Variants in ST7 observed in about 807,000 individuals in gnomAD.
ST7 encodes suppressor of tumorigenicity 7 protein.
Under a neutral mutation model 78.7 loss-of-function variants are expected in ST7, and 28 were observed. That is an observed-to-expected ratio of 0.36 (90% CI 0.26 to 0.49). The LOEUF (loss-of-function observed/expected upper bound fraction) is 0.49, where lower values mean the gene tolerates loss of function less well. Ranked by LOEUF, ST7 falls within the 20% of genes least tolerant of loss-of-function variation. The pLI is 0.99. For missense variants in ST7, 418 were observed against 696.0 expected (o/e 0.60, Z 4.49); for synonymous variants, 247 against 249.6 (o/e 0.99, Z 0.10).
At chr7:117,114,507 G>A (rs1015940994) in intron 2 of ST7, among the ~76,000 whole-genome samples, 10 of 151,882 alleles carry the variant, frequency 6.6e-5, no homozygotes, top group Non-Finnish European at 1.3e-4. Context: ...ATAAAGTTTC[G>A]TATTCCTTCT....
intron 1 of ST7, among the ~76,000 whole-genome samples, chr7:116,975,116 A>G (rs1793632378): frequency 6.6e-6 from 1 of 152,230 alleles, no homozygotes; most frequent in African/African-American, 2.4e-5. Flanking sequence ...TCACAGTTCC[A>G]CATGGCTGAG....
intron 10 of ST7, among the ~76,000 whole-genome samples, chr7:117,171,338 C>T (rs1195113226): frequency 1.3e-5 from 2 of 152,124 alleles, no homozygotes; most frequent in Non-Finnish European, 2.9e-5. Context: ...AGAGCTCTTG[C>T]TATAAATCCA....
chr7:117,171,307 G>A (rs1281134079), intron 10 of ST7, among the ~76,000 whole-genome samples: 1 of 152,136 alleles, frequency 6.6e-6, no homozygotes, highest in Non-Finnish European at 1.5e-5. Flanking sequence ...TACCTATCCT[G>A]TAGGGGCAGC....
chr7:117,179,600 T>C (rs1808593072), intron 10 of ST7, among the ~76,000 whole-genome samples: 1 of 151,808 alleles, frequency 6.6e-6, no homozygotes, highest in African/African-American at 2.4e-5. Context: ...GAGGCACAAT[T>C]GGCATGGCTT....
intron 1 of ST7, chr7:116,972,161 C>T (rs1793459554): frequency 5.4e-6 from 3 of 555,818 alleles, no homozygotes; most frequent in South Asian, 4.2e-5. Context: ...TGGGACTGGG[C>T]TTTCTACATC....
chr7:117,157,798 C>T (rs751462230), intron 9 of ST7, among the ~76,000 whole-genome samples: 1 of 152,168 alleles, frequency 6.6e-6, no homozygotes, highest in African/African-American at 2.4e-5. Flanking sequence ...GAATGCTTAT[C>T]GCCCTCTGTC....
chr7:117,224,410 A>T (rs758892650), intron 15 of ST7, among the ~76,000 whole-genome samples: 6 of 152,154 alleles, frequency 3.9e-5, no homozygotes, highest in Admixed American at 6.6e-5. Flanking sequence ...TTATGGGCCT[A>T]CACTACTTGT....
At chr7:117,196,042 G>A (rs1810276242) in intron 12 of ST7, among the ~76,000 whole-genome samples, 1 of 152,134 alleles carries the variant, frequency 6.6e-6, no homozygotes, top group Admixed American at 6.5e-5. Flanking sequence ...GCTTATTTTA[G>A]TTAGCATAAT....
At chr7:116,994,791 C>A (rs79535557) in intron 1 of ST7, among the ~76,000 whole-genome samples, 12,822 of 152,200 alleles carry the variant, frequency 0.084, 584 homozygotes, top group East Asian at 0.13. Flanking sequence ...GAAGTGCTAA[C>A]AGTGGTTTTT....
chr7:117,197,071 GT>G (rs1407378203), intron 12 of ST7, among the ~76,000 whole-genome samples: 1 of 152,106 alleles, frequency 6.6e-6, no homozygotes, highest in Non-Finnish European at 1.5e-5. Context: ...GTTGTACTCT[GT>G]CACCCAGGCT....
chr7:116,963,253 TGA>T (rs1406166915), intron 1 of ST7, among the ~76,000 whole-genome samples: 1 of 152,246 alleles, frequency 6.6e-6, no homozygotes, highest in Non-Finnish European at 1.5e-5. Flanking sequence ...TTATTGTATT[TGA>T]GATGTTGTTG....
intron 3 of ST7, among the ~76,000 whole-genome samples, chr7:117,129,048 A>G (rs909919747): frequency 2.2e-4 from 34 of 151,848 alleles, no homozygotes; most frequent in African/African-American, 8.2e-4. Flanking sequence ...CCATTATAAC[A>G]CAGTCTTAAA....
chr7:117,073,129 C>T (rs924921735), intron 1 of ST7: 22 of 152,104 alleles, frequency 1.4e-4, no homozygotes, highest in Non-Finnish European at 3.1e-4. Context: ...TAAGTAGTTA[C>T]TGGAATGAGA....
chr7:117,026,106 A>G (rs1482493280), intron 1 of ST7, among the ~76,000 whole-genome samples: 2 of 152,228 alleles, frequency 1.3e-5, no homozygotes, highest in Non-Finnish European at 2.9e-5. Context: ...AAATTACCAT[A>G]TATGGAAACT....
intron 15 of ST7, among the ~76,000 whole-genome samples, chr7:117,228,181 A>G (rs754836469): frequency 6.6e-6 from 1 of 151,968 alleles, no homozygotes; most frequent in Non-Finnish European, 1.5e-5. Context: ...AGTCCATTTC[A>G]CTTGCCTCTT....
At chr7:116,964,104 T>A (rs929741037) in intron 1 of ST7, among the ~76,000 whole-genome samples, 1 of 152,200 alleles carries the variant, frequency 6.6e-6, no homozygotes, top group African/African-American at 2.4e-5. Context: ...AAGTATAAAA[T>A]CGTCTTAAAT....
chr7:117,171,592 A>G (rs1807993774), intron 10 of ST7, among the ~76,000 whole-genome samples: 1 of 151,474 alleles, frequency 6.6e-6, no homozygotes, highest in African/African-American at 2.4e-5. Context: ...TGTTCCTAAG[A>G]AACCAGAAAA....
At chr7:116,987,842 G>T (rs1288293918) in intron 1 of ST7, among the ~76,000 whole-genome samples, 1 of 152,150 alleles carries the variant, frequency 6.6e-6, no homozygotes, top group Non-Finnish European at 1.5e-5. Flanking sequence ...TCCTGCCTCA[G>T]CCTCCCGAGT....
intron 12 of ST7, among the ~76,000 whole-genome samples, chr7:117,199,765 C>T (rs1260022054): frequency 1.3e-5 from 2 of 152,216 alleles, no homozygotes; most frequent in Non-Finnish European, 2.9e-5. Flanking sequence ...CGGGCCGTGC[C>T]CCTATGAGGC....
Sources: allele counts gnomAD v4.1 joint callset (sites outside exome capture counted in the v4.1 genomes callset), GRCh38; gene constraint gnomAD v4.1.1; transcripts MANE v1.5; gene names NCBI Gene and HGNC (gene_info 2026-07-23, HGNC 2026-07-21).